The following DCSTAMP variants were observed in gnomAD, a reference collection of about 807,000 sequenced individuals.
DCSTAMP encodes dendritic cell-specific transmembrane protein.
DCSTAMP carries 25 observed loss-of-function variants against 33.8 expected under a neutral mutation model. The observed-to-expected ratio is 0.74, with a 90% CI of 0.54 to 1.03. DCSTAMP has a LOEUF of 1.03. DCSTAMP is among the 50% of genes least tolerant of loss of function. DCSTAMP has a pLI of 0.00. For synonymous variants in DCSTAMP, 245 were observed against 216.7 expected (o/e 1.13, Z -1.15); for missense variants, 531 against 556.8 (o/e 0.95, Z 0.47).
chr8:104,341,622 T>C (rs1157115693), intron 1 of DCSTAMP, among the ~76,000 whole-genome samples: 1 of 152,216 alleles, frequency 6.6e-6, no homozygotes, highest in Non-Finnish European at 1.5e-5. Context: ...TGGCCCTGCA[T>C]GAAAGCAGGT....
chr8:104,347,450 C>T (rs907750695), intron 1 of DCSTAMP, among the ~76,000 whole-genome samples: 3 of 152,194 alleles, frequency 2.0e-5, no homozygotes, highest in African/African-American at 7.2e-5. Context: ...AAAGAGTAAG[C>T]TTGCATAATG....
intron 1 of DCSTAMP, among the ~76,000 whole-genome samples, chr8:104,344,090 G>A (rs1237415867): frequency 6.6e-6 from 1 of 152,178 alleles, no homozygotes; most frequent in Non-Finnish European, 1.5e-5. Context: ...ACCAAGTGGT[G>A]GAAAACTGGG....
chr8:104,349,892 C>G (rs1443099818), intron 2 of DCSTAMP, among the ~76,000 whole-genome samples: 1 of 152,178 alleles, frequency 6.6e-6, no homozygotes, highest in African/African-American at 2.4e-5. Flanking sequence ...GTGAGTGTCG[C>G]TGGCCTGAAA....
intron 1 of DCSTAMP, among the ~76,000 whole-genome samples, chr8:104,348,154 A>C (rs925243997): frequency 3.3e-5 from 5 of 152,204 alleles, no homozygotes; most frequent in African/African-American, 1.2e-4. Flanking sequence ...TGAGAGAATA[A>C]ATACGTGCTC....
At chr8:104,352,703 G>T (rs563833013) in intron 2 of DCSTAMP, among the ~76,000 whole-genome samples, 1 of 152,180 alleles carries the variant, frequency 6.6e-6, no homozygotes, top group Admixed American at 6.5e-5. Context: ...GGGGCACAAA[G>T]ATGTCTAGGT....
chr8:104,355,215 A>T (rs1321048491), intron 3 of DCSTAMP, 30 bp downstream of exon 3: 4 of 1,578,894 alleles, frequency 2.5e-6, no homozygotes. Context: ...GTAACCTCCA[A>T]TTGAGGAAGT....
chr8:104,354,234 T>A (rs925215047), intron 2 of DCSTAMP, among the ~76,000 whole-genome samples: 2 of 152,156 alleles, frequency 1.3e-5, no homozygotes, highest in Non-Finnish European at 2.9e-5. Flanking sequence ...GGCCAACGTA[T>A]CAACCCAGAA....
chr8:104,346,952 A>G (rs1438476019), intron 1 of DCSTAMP, among the ~76,000 whole-genome samples: 1 of 152,242 alleles, frequency 6.6e-6, no homozygotes, highest in Non-Finnish European at 1.5e-5. Flanking sequence ...GTAAATTCAG[A>G]CCCATCCTAT....
intron 2 of DCSTAMP, among the ~76,000 whole-genome samples, chr8:104,352,546 C>T (rs1158459551): frequency 1.3e-5 from 2 of 152,112 alleles, no homozygotes; most frequent in African/African-American, 2.4e-5. Context: ...ATTTACTTCT[C>T]TCTCAGCAAG....
intron 2 of DCSTAMP, among the ~76,000 whole-genome samples, chr8:104,354,650 G>T (rs193185095): frequency 3.9e-5 from 6 of 152,284 alleles, no homozygotes; most frequent in Admixed American, 3.9e-4. Context: ...AATCTTTACT[G>T]TATTTCTACA....
At chr8:104,349,710 C>T (rs1810413355) in intron 2 of DCSTAMP, 129 bp downstream of exon 2, 2 of 1,052,794 alleles carry the variant, frequency 1.9e-6, no homozygotes, top group Non-Finnish European at 2.7e-6. Flanking sequence ...CAGCATAGTG[C>T]TTGGCACATA....
chr8:104,346,869 C>T (rs67047475), intron 1 of DCSTAMP, among the ~76,000 whole-genome samples: 17,513 of 152,278 alleles, frequency 0.12, 1,081 homozygotes, highest in Admixed American at 0.16. Flanking sequence ...CAGTTCACAA[C>T]CTCTATCCAG....
intron 1 of DCSTAMP, among the ~76,000 whole-genome samples, chr8:104,341,729 C>T (rs921820835): frequency 1.3e-5 from 2 of 152,166 alleles, no homozygotes; most frequent in Admixed American, 1.3e-4. Flanking sequence ...CTGCTATTTT[C>T]CTGTTCCCTT....
intron 2 of DCSTAMP, among the ~76,000 whole-genome samples, chr8:104,352,407 A>G (rs1420018830): frequency 1.3e-5 from 2 of 152,206 alleles, no homozygotes; most frequent in Non-Finnish European, 2.9e-5. Context: ...AGAATTTCAG[A>G]CATGCTTGAT....
At chr8:104,342,927 G>A (rs746275944) in intron 1 of DCSTAMP, among the ~76,000 whole-genome samples, 1 of 152,200 alleles carries the variant, frequency 6.6e-6, no homozygotes, top group Non-Finnish European at 1.5e-5. Context: ...ATGCTGTGGA[G>A]CAAGTGTTCA....
rs1031573219 is a variant in DCSTAMP, at chr8:104,356,067, G to A, written c.1339-57G>A. On this transcript the variant is annotated intron_variant, in intron 3 of 3. Transcript: ENST00000297581. ...CCCACAATGAAAAATTGATGTCAGAGGCATTTAAAATGACTCCAACTCCAA... is the reference window on the plus strand; with the variant it reads ...CCCACAATGAAAAATTGATGTCAGAAGCATTTAAAATGACTCCAACTCCAA... 5 of 1,480,812 alleles carry A rather than the reference G, an allele frequency of 3.4e-6. No individual in the cohort carries two copies. In the African/African-American group the frequency reaches 5.7e-5, roughly 17 times the overall value. The allele number at this position is 1,480,812 out of a possible 1,614,324, so 91.7% of individuals were successfully genotyped here. A position where few individuals can be genotyped will look rare whatever the true frequency, so the allele number is the denominator to read the frequency against.
intron 1 of DCSTAMP, among the ~76,000 whole-genome samples, chr8:104,342,915 C>T (rs781357487): frequency 1.9e-4 from 29 of 152,168 alleles, no homozygotes; most frequent in African/African-American, 3.4e-4. Context: ...CACGACTGCA[C>T]GATGCTGTGG....
rs765227158 is a variant in DCSTAMP, at chr8:104,349,062, C to A, written c.510C>A (p.Thr170=). 4 of 1,614,022 alleles carry A rather than the reference C, an allele frequency of 2.5e-6. No individual in the cohort carries two copies. Among genetic ancestry groups the A allele is most frequent in the Non-Finnish European group, 3.4e-6 (4 of 1,180,054 alleles). Reference sequence around the variant, plus strand: ...ATGACCTTGTTTCTTGGAACCAGACCCTGGCAGTCTCTCTTTTCAGTCCCA... The same window carrying A: ...ATGACCTTGTTTCTTGGAACCAGACACTGGCAGTCTCTCTTTTCAGTCCCA... ...VFDDLVSWNQ[T]LAVSLFSPSH... is the part of the protein sequence containing the mutation. Residue 170 remains threonine (T), a synonymous_variant, in exon 2 of 4, where the codon ACC becomes ACA. Coordinates refer to ENST00000297581, the MANE Select transcript of DCSTAMP (RefSeq NM_030788.4).
chr8:104,355,776 A>G (rs73696751), intron 3 of DCSTAMP, among the ~76,000 whole-genome samples: 4,166 of 152,310 alleles, frequency 0.027, 87 homozygotes, highest in African/African-American at 0.062. Context: ...ACACACATAT[A>G]TATAGGCCAT....
Sources: gnomAD v4.1 joint callset for allele counts (sites outside exome capture counted in the v4.1 genomes callset) on GRCh38, gnomAD v4.1.1 for gene constraint, MANE v1.5 for transcripts, NCBI Gene and HGNC (gene_info 2026-07-23, HGNC 2026-07-21) for gene names.